Variants in NAV3 observed in about 807,000 individuals in gnomAD.
The protein encoded by NAV3 is pore membrane and/or filament interacting like protein 1.
In NAV3, 87 loss-of-function variants were observed where a neutral mutation model predicts 244.7. That is an observed-to-expected ratio of 0.36 (90% CI 0.30 to 0.42). NAV3 has a LOEUF of 0.42. Ranked by LOEUF, NAV3 falls within the 20% of genes least tolerant of loss-of-function variation. The pLI is 1.00. For missense variants in NAV3, 2,663 were observed against 2,893.3 expected (o/e 0.92, Z 1.83); for synonymous variants, 1,126 against 1,042.2 (o/e 1.08, Z -1.55).
chr12:78,031,069 A>G (rs993256463), intron 9 of NAV3, among the ~76,000 whole-genome samples: 3 of 152,200 alleles, frequency 2.0e-5, no homozygotes, highest in Non-Finnish European at 4.4e-5. Context: ...TCCCAAGTGA[A>G]GTGGCCTTCA....
intron 12 of NAV3, among the ~76,000 whole-genome samples, chr12:78,103,546 A>G (rs1593592457): frequency 6.6e-6 from 1 of 152,150 alleles, no homozygotes; most frequent in Admixed American, 6.5e-5. Context: ...GCCCCGCTCT[A>G]CTGGTACCAA....
At chr12:77,606,341 A>C (rs577500461) in intron 2 of NAV3, among the ~76,000 whole-genome samples, 1 of 152,278 alleles carries the variant, frequency 6.6e-6, no homozygotes, top group South Asian at 2.1e-4. Context: ...TATATAAAAT[A>C]ATGGTGTAGC....
At chr12:78,032,249 A>G (rs1593331708) in intron 9 of NAV3, among the ~76,000 whole-genome samples, 1 of 152,336 alleles carries the variant, frequency 6.6e-6, no homozygotes, top group East Asian at 1.9e-4. Context: ...TCACATTGCA[A>G]TGCAGATGTG....
chr12:77,842,296 A>G (rs1232584183), intron 1 of NAV3, among the ~76,000 whole-genome samples: 1 of 152,006 alleles, frequency 6.6e-6, no homozygotes, highest in Non-Finnish European at 1.5e-5. Context: ...CCACCTTAGG[A>G]TCTTTCTAGC....
intron 12 of NAV3, among the ~76,000 whole-genome samples, chr12:78,083,693 C>A (rs577710390): frequency 6.6e-6 from 1 of 152,228 alleles, no homozygotes; most frequent in East Asian, 1.9e-4. Flanking sequence ...TCACCTTCTC[C>A]ATTCAAACAG....
chr12:78,117,938 C>T (rs1333757057), intron 13 of NAV3, 89 bp from the exon 14 acceptor site: 5 of 1,227,500 alleles, frequency 4.1e-6, no homozygotes, highest in Admixed American at 2.6e-5. Flanking sequence ...TTGGATTTAT[C>T]CAGTTATCTG....
intron 2 of NAV3, among the ~76,000 whole-genome samples, chr12:77,685,506 C>CACACACAT (rs34407806): frequency 0.013 from 1,922 of 149,994 alleles, 20 homozygotes; most frequent in African/African-American, 0.02. Context: ...CACACACACA[C>CACACACAT]ATACCCACAC....
At chr12:77,762,738 GT>G (rs1163009495) in intron 2 of NAV3, among the ~76,000 whole-genome samples, 3 of 150,734 alleles carry the variant, frequency 2.0e-5, no homozygotes, top group Admixed American at 2.0e-4. Flanking sequence ...TGTTGTTGTT[GT>G]TGTTGTTGTT....
At chr12:78,110,020 G>GAT (rs1955008078) in intron 12 of NAV3, among the ~76,000 whole-genome samples, 1 of 151,954 alleles carries the variant, frequency 6.6e-6, no homozygotes, top group South Asian at 2.1e-4. Context: ...CTTTGCTGAT[G>GAT]ATATGGTTTT....
At chr12:77,681,850 G>A (rs1304218730) in intron 2 of NAV3, among the ~76,000 whole-genome samples, 1 of 152,050 alleles carries the variant, frequency 6.6e-6, no homozygotes, top group Non-Finnish European at 1.5e-5. Context: ...GTTATCATTT[G>A]TTCCTTTTTT....
chr12:77,902,293 C>T (rs1271036090), intron 1 of NAV3, among the ~76,000 whole-genome samples: 1 of 152,116 alleles, frequency 6.6e-6, no homozygotes, highest in African/African-American at 2.4e-5. Flanking sequence ...ACTGGCTGAC[C>T]AGCCATTTCA....
intron 1 of NAV3, among the ~76,000 whole-genome samples, chr12:77,855,807 C>T (rs1008213187): frequency 6.6e-5 from 10 of 152,214 alleles, no homozygotes; most frequent in Non-Finnish European, 1.2e-4. Context: ...TGACTGCCAG[C>T]ACATTGCAGA....
In NAV3 at chr12:78,026,170, A is replaced by T. The variant is rs572239070; in HGVS notation, c.2023+4308A>T. Reference sequence around the variant, plus strand: ...TGTGATTTAATATCGATATTATCTCATGGCTTTAAATTTCATCTATATTCT... The same window carrying T: ...TGTGATTTAATATCGATATTATCTCTTGGCTTTAAATTTCATCTATATTCT... On this transcript the variant is annotated intron_variant, in intron 9 of 39. Coordinates refer to ENST00000397909, the MANE Select transcript of NAV3 (RefSeq NM_001024383.2). Among the ~76,000 whole-genome samples, 3 of 152,196 alleles carry T rather than the reference A, an allele frequency of 2.0e-5. No homozygotes were observed. The South Asian group carries it at 6.2e-4, about 32-fold the overall frequency.
chr12:77,871,623 T>C (rs1468130039), intron 1 of NAV3, among the ~76,000 whole-genome samples: 1 of 152,194 alleles, frequency 6.6e-6, no homozygotes, highest in Non-Finnish European at 1.5e-5. Context: ...GAACTCATCC[T>C]TTTTTATGGC....
intron 2 of NAV3, among the ~76,000 whole-genome samples, chr12:77,784,282 T>C (rs1870804437): frequency 6.6e-6 from 1 of 152,174 alleles, no homozygotes; most frequent in Non-Finnish European, 1.5e-5. Context: ...CTGATCCTGC[T>C]GGGCCTAGCT....
chr12:77,892,678 G>A (rs535595165), intron 1 of NAV3, among the ~76,000 whole-genome samples: 19 of 152,220 alleles, frequency 1.2e-4, no homozygotes, highest in East Asian at 7.7e-4. Context: ...GCCTCTCAAC[G>A]TGCTGGGATT....
At chr12:77,639,044 A>G (rs112462263) in intron 2 of NAV3, among the ~76,000 whole-genome samples, 6,035 of 152,222 alleles carry the variant, frequency 0.04, 166 homozygotes, top group Non-Finnish European at 0.063. Context: ...ACACGTTGAC[A>G]ATTAGAGATG....
At chr12:78,048,428 T>C (rs1882204133) in intron 9 of NAV3, among the ~76,000 whole-genome samples, 1 of 152,232 alleles carries the variant, frequency 6.6e-6, no homozygotes, top group African/African-American at 2.4e-5. Context: ...TGGACATTGA[T>C]GCTATTCCTT....
intron 3 of NAV3, among the ~76,000 whole-genome samples, chr12:77,952,795 T>G (rs185798120): frequency 6.6e-6 from 1 of 152,210 alleles, no homozygotes; most frequent in Admixed American, 6.6e-5. Flanking sequence ...GGATATAAAC[T>G]CTCGTGAAAC....
Sources: gnomAD v4.1 joint callset for allele counts (sites outside exome capture counted in the v4.1 genomes callset) on GRCh38, gnomAD v4.1.1 for gene constraint, MANE v1.5 for transcripts, NCBI Gene and HGNC (gene_info 2026-07-23, HGNC 2026-07-21) for gene names.